FBXL4: variants seen among roughly 807,000 people sequenced by gnomAD.
FBXL4 encodes F-box and leucine rich repeat protein 4.
A neutral mutation model predicts 58.9 loss-of-function variants in FBXL4; 40 were observed. The observed-to-expected ratio is 0.68, with a 90% CI of 0.53 to 0.88. FBXL4 has a LOEUF of 0.88. Among genes scored for constraint, FBXL4 ranks in the 40% least tolerant of loss-of-function variants. FBXL4 has a pLI of 0.00. For synonymous variants in FBXL4, 263 were observed against 265.5 expected, an observed-to-expected ratio of 0.99 and a Z score of 0.09; for missense variants, 676 against 734.4, an observed-to-expected ratio of 0.92 and a Z score of 0.92.
intron 5 of FBXL4, among the ~76,000 whole-genome samples, chr6:98,911,489 G>C (rs1261793827): frequency 1.3e-5 from 2 of 152,186 alleles, no homozygotes; most frequent in Non-Finnish European, 2.9e-5. Context: ...AAAACTTCCA[G>C]AGAAATGATC....
At position 98,928,390 on chromosome 6, in the gene FBXL4, G is replaced by A. The variant is rs150360166; in HGVS notation, c.-190-568C>T. ...GCCGCCCAGGCTGGAGTGCCCTGGC[G>A]CAATCTCGGCTCACTGTAACCTCTG... On this transcript the variant is annotated intron_variant, in intron 2 of 9. Coordinates refer to ENST00000369244, the MANE Select transcript of FBXL4 (RefSeq NM_001278716.2). 1.9e-3 allele frequency among the ~76,000 whole-genome samples: 286 copies of A among 151,608 alleles called. 1 individual carries two copies. The highest frequency in any genetic ancestry group is 5.8e-3 in the African/African-American group (239 of 41,306).
In FBXL4 at chr6:98,917,597, G is replaced by T; in HGVS notation, c.635C>A (p.Ser212Tyr). 1 of 1,613,960 alleles carries T rather than the reference G, an allele frequency of 6.2e-7. No individual in the cohort carries two copies. Among genetic ancestry groups the T allele is most frequent in the Non-Finnish European group, 8.5e-7 (1 of 1,179,896 alleles). The change falls in exon 5 of 10, where the codon TCT (serine) becomes TAT (tyrosine). Residue 212 changes from serine to tyrosine, a missense_variant. Transcript: ENST00000369244. ...TNLIRLEVNS[S>Y]LLEYYTELDA... ...TAATTCAGTGTAATATTCCAGAAGAGAACTATTTACTTCCAGTCGTATAAG... is the reference window on the plus strand; with the variant it reads ...TAATTCAGTGTAATATTCCAGAAGATAACTATTTACTTCCAGTCGTATAAG...
intron 5 of FBXL4, among the ~76,000 whole-genome samples, chr6:98,915,863 T>G (rs1274983721): frequency 6.6e-6 from 1 of 150,510 alleles, no homozygotes; most frequent in South Asian, 2.1e-4. Flanking sequence ...CAAAAGAAAC[T>G]ACCATCAGAG....
chr6:98,926,660 GC>G lies in FBXL4; in HGVS notation c.328del (p.Ala110LeufsTer34). Reference sequence around the variant, plus strand: ...TGGCGTCCTCTTGAATGGCAAGGAAGCACTAGGACACTGATCCCACCATGTC... The same window carrying G: ...TGGCGTCCTCTTGAATGGCAAGGAAGACTAGGACACTGATCCCACCATGTC... ...YGTWWDQCPSASLPFKRTPPN... is the reference protein window; with the variant it reads ...YGTWWDQCPSXSLPFKRTPPN... On this transcript the variant is annotated frameshift_variant, in exon 4 of 10. Transcript: ENST00000369244. LOFTEE classifies it high-confidence loss of function. 6.2e-7 allele frequency: 1 copy of G among 1,614,166 alleles called. No individual in the cohort carries two copies. The highest frequency in any genetic ancestry group is 8.5e-7 in the Non-Finnish European group (1 of 1,180,016).
intron 4 of FBXL4, among the ~76,000 whole-genome samples, chr6:98,921,218 C>A (rs980123632): frequency 6.6e-6 from 1 of 152,254 alleles, no homozygotes; most frequent in South Asian, 2.1e-4. Flanking sequence ...TCTATGACTG[C>A]TGACCTGTTA....
In FBXL4 at chr6:98,917,587, T is replaced by G. The variant is rs752917494; in HGVS notation, c.645A>C (p.Glu215Asp). ...IRLEVNSSLL[E>D]YYTELDAVVL... ...CAACTGCATCTAATTCAGTGTAATA[T>G]TCCAGAAGAGAACTATTTACTTCCA... The change falls in exon 5 of 10, where the codon GAA becomes GAC. Residue 215 changes from glutamate (E) to aspartate (D), a missense_variant. Transcript: ENST00000369244. 2 of 1,614,022 alleles carry G rather than the reference T, an allele frequency of 1.2e-6. No individual in the cohort carries two copies.
intron 9 of FBXL4, 46 bp downstream of exon 9, chr6:98,875,369 T>A: frequency 1.3e-6 from 2 of 1,590,710 alleles, no homozygotes; most frequent in Non-Finnish European, 1.7e-6. Flanking sequence ...GGCTTTTCTG[T>A]CAAGGAAACA....
At chr6:98,877,880 G>C (rs1462065361) in intron 8 of FBXL4, among the ~76,000 whole-genome samples, 1 of 152,108 alleles carries the variant, frequency 6.6e-6, no homozygotes, top group Admixed American at 6.6e-5. Flanking sequence ...GATAAAATTT[G>C]TCTCTTTCCC....
intron 1 of FBXL4, among the ~76,000 whole-genome samples, chr6:98,942,464 C>T (rs1200830620): frequency 6.6e-6 from 1 of 152,026 alleles, no homozygotes; most frequent in Non-Finnish European, 1.5e-5. Context: ...CATGGTTTAG[C>T]ACTATGCCCC....
At chr6:98,937,622 TGGA>T (rs1333579093) in intron 1 of FBXL4, among the ~76,000 whole-genome samples, 1 of 152,048 alleles carries the variant, frequency 6.6e-6, no homozygotes, top group Non-Finnish European at 1.5e-5. Flanking sequence ...GTGAAAGTGA[TGGA>T]GGAGGTGTAA....
rs1027595756 is a variant in FBXL4 at position 98,909,769 on chromosome 6, T to C, written c.859-4099A>G. ...AACCCAGCTTTTCCTTCATCTTTCC[T>C]CCCTCCTCCCAGTAAAGGCCAGTTT... On this transcript the variant is annotated intron_variant, in intron 5 of 9. Transcript: ENST00000369244. 2.0e-5 allele frequency among the ~76,000 whole-genome samples: 3 copies of C among 151,824 alleles called. No homozygotes were observed. In the East Asian group the frequency reaches 5.8e-4, roughly 29 times the overall value.
intron 6 of FBXL4, among the ~76,000 whole-genome samples, chr6:98,902,013 A>G (rs1771631221): frequency 6.6e-6 from 1 of 152,184 alleles, no homozygotes; most frequent in South Asian, 2.1e-4. Flanking sequence ...ATTGCTTATC[A>G]TTATGAGGTG....
intron 1 of FBXL4, among the ~76,000 whole-genome samples, chr6:98,940,188 AC>A (rs1773381965): frequency 6.6e-6 from 1 of 152,170 alleles, no homozygotes; most frequent in Non-Finnish European, 1.5e-5. Context: ...TTTGTGAAAT[AC>A]CTTTTTTTGA....
intron 1 of FBXL4, among the ~76,000 whole-genome samples, chr6:98,946,787 A>G (rs1345548270): frequency 6.6e-6 from 1 of 152,230 alleles, no homozygotes; most frequent in Non-Finnish European, 1.5e-5. Flanking sequence ...TGCCTACTAA[A>G]GCATAATGCA....
chr6:98,910,107 A>G (rs1019548703), intron 5 of FBXL4, among the ~76,000 whole-genome samples: 3 of 152,202 alleles, frequency 2.0e-5, no homozygotes, highest in East Asian at 1.9e-4. Context: ...TTGAGTCTAT[A>G]AAGTTTCCTT....
chr6:98,916,564 A>T (rs1408882054), intron 5 of FBXL4, among the ~76,000 whole-genome samples: 1 of 152,146 alleles, frequency 6.6e-6, no homozygotes, highest in African/African-American at 2.4e-5. Flanking sequence ...AACTATCACA[A>T]GGACAAAAAA....
intron 7 of FBXL4, among the ~76,000 whole-genome samples, chr6:98,884,897 G>A (rs985192794): frequency 7.9e-5 from 12 of 152,058 alleles, no homozygotes; most frequent in Admixed American, 1.3e-4. Flanking sequence ...ATATGTCCAC[G>A]TGTTATTCTA....
chr6:98,876,303 G>A (rs1770659960), intron 8 of FBXL4, among the ~76,000 whole-genome samples: 1 of 152,072 alleles, frequency 6.6e-6, no homozygotes, highest in Admixed American at 6.5e-5. Flanking sequence ...GGTGTCCAGT[G>A]CTTACCTCAT....
At chr6:98,920,809 T>TACAC (rs1210824270) in intron 4 of FBXL4, among the ~76,000 whole-genome samples, 2 of 103,010 alleles carry the variant, frequency 1.9e-5, no homozygotes, top group Admixed American at 9.4e-5. Context: ...TACATATGGG[T>TACAC]ACACACACAT....
Sources: gnomAD v4.1 joint callset for allele counts (sites outside exome capture counted in the v4.1 genomes callset) on GRCh38, gnomAD v4.1.1 for gene constraint, MANE v1.5 for transcripts, NCBI Gene and HGNC (gene_info 2026-07-23, HGNC 2026-07-21) for gene names.